The following CTTNBP2 variants were observed in gnomAD, a reference collection of about 807,000 sequenced individuals.
CTTNBP2 encodes the protein cortactin binding protein 2.
Under a neutral mutation model 156.9 loss-of-function variants are expected in CTTNBP2, and 108 were observed. The observed-to-expected ratio is 0.69, with a 90% CI of 0.59 to 0.81. The LOEUF (loss-of-function observed/expected upper bound fraction) is 0.81, where lower values mean the gene tolerates loss of function less well. Among genes scored for constraint, CTTNBP2 ranks in the 30% least tolerant of loss-of-function variants. CTTNBP2 has a pLI of 0.00. For synonymous variants in CTTNBP2, 767 were observed against 751.8 expected, an observed-to-expected ratio of 1.02 and a Z score of -0.33; for missense variants, 1,924 against 2,035.4, an observed-to-expected ratio of 0.95 and a Z score of 1.05.
At chr7:117,840,432 G>A (rs1191600390) in intron 2 of CTTNBP2, among the ~76,000 whole-genome samples, 1 of 152,098 alleles carries the variant, frequency 6.6e-6, no homozygotes, top group Non-Finnish European at 1.5e-5. Context: ...AGGCCACCTG[G>A]GGAGGATCAT....
intron 11 of CTTNBP2, among the ~76,000 whole-genome samples, chr7:117,756,988 A>C (rs1751682610): frequency 6.6e-6 from 1 of 152,146 alleles, no homozygotes; most frequent in South Asian, 2.1e-4. Flanking sequence ...TACAGTTCAT[A>C]AGTAAAAGTT....
At chr7:117,786,339 A>G (rs975107550) in intron 4 of CTTNBP2, 15 of 391,308 alleles carry the variant, frequency 3.8e-5, no homozygotes, top group Non-Finnish European at 7.7e-5. Flanking sequence ...TCCTACTGAT[A>G]CTCATTAGCT....
At chr7:117,783,202 T>C (rs897678127) in intron 5 of CTTNBP2, among the ~76,000 whole-genome samples, 3 of 152,138 alleles carry the variant, frequency 2.0e-5, no homozygotes, top group Admixed American at 6.5e-5. Context: ...TGCATGCGCA[T>C]GTGCCCATGC....
chr7:117,761,317 C>A (rs1270985679), intron 9 of CTTNBP2, among the ~76,000 whole-genome samples: 2 of 152,086 alleles, frequency 1.3e-5, no homozygotes, highest in Non-Finnish European at 2.9e-5. Flanking sequence ...TGGTAAATAC[C>A]AGTAAGTATT....
intron 2 of CTTNBP2, among the ~76,000 whole-genome samples, chr7:117,860,206 A>G (rs1168584725): frequency 6.6e-6 from 1 of 152,232 alleles, no homozygotes; most frequent in Non-Finnish European, 1.5e-5. Flanking sequence ...AATTACAGAC[A>G]AAGTATTAAA....
At chr7:117,873,290 C>T in intron 1 of CTTNBP2, 45 bp downstream of exon 1, 1 of 1,321,068 alleles carries the variant, frequency 7.6e-7, no homozygotes, top group Non-Finnish European at 9.7e-7. Context: ...CCGCCCCCGG[C>T]CCGCGTCTAC....
intron 12 of CTTNBP2, among the ~76,000 whole-genome samples, chr7:117,747,148 A>G (rs1307792861): frequency 1.3e-5 from 2 of 152,210 alleles, no homozygotes; most frequent in African/African-American, 4.8e-5. Context: ...CCTAACTGAT[A>G]CAGTTGATAT....
At chr7:117,797,506 C>G (rs1244988251) in intron 3 of CTTNBP2, among the ~76,000 whole-genome samples, 1 of 152,036 alleles carries the variant, frequency 6.6e-6, no homozygotes, top group African/African-American at 2.4e-5. Flanking sequence ...ATGATCCACG[C>G]TGGAATTAGT....
At chr7:117,781,177 C>T (rs192876438) in intron 6 of CTTNBP2, among the ~76,000 whole-genome samples, 1 of 152,314 alleles carries the variant, frequency 6.6e-6, no homozygotes, top group East Asian at 1.9e-4. Context: ...ACTCACTGTC[C>T]TGAGAATCAA....
chr7:117,814,657 A>G (rs1800475853), intron 2 of CTTNBP2, among the ~76,000 whole-genome samples: 1 of 152,166 alleles, frequency 6.6e-6, no homozygotes, highest in African/African-American at 2.4e-5. Flanking sequence ...TGAACTCCTA[A>G]GCTCAAGCAA....
chr7:117,782,333 T>C (rs867101910), intron 6 of CTTNBP2, among the ~76,000 whole-genome samples: 4 of 152,196 alleles, frequency 2.6e-5, no homozygotes, highest in African/African-American at 9.6e-5. Context: ...ATATTTTAAT[T>C]AATAGGGTCT....
chr7:117,795,258 C>G (rs1403212594), intron 3 of CTTNBP2, among the ~76,000 whole-genome samples: 1 of 152,110 alleles, frequency 6.6e-6, no homozygotes, highest in Non-Finnish European at 1.5e-5. Flanking sequence ...ATATTATTAA[C>G]TAAAACACAT....
chr7:117,802,586 C>T (rs35997432), intron 3 of CTTNBP2, among the ~76,000 whole-genome samples: 3,532 of 151,856 alleles, frequency 0.023, 62 homozygotes, highest in African/African-American at 0.034. Context: ...CAAAGAAACA[C>T]TCAATGAGTA....
intron 4 of CTTNBP2, among the ~76,000 whole-genome samples, chr7:117,790,079 C>T (rs1163133431): frequency 1.3e-5 from 2 of 152,182 alleles, no homozygotes; most frequent in African/African-American, 4.8e-5. Flanking sequence ...TTCAAACCTT[C>T]CTGTAATTAT....
intron 4 of CTTNBP2, among the ~76,000 whole-genome samples, chr7:117,785,979 T>C (rs1234745948): frequency 6.6e-6 from 1 of 152,212 alleles, no homozygotes; most frequent in Non-Finnish European, 1.5e-5. Flanking sequence ...TCTCTGTACA[T>C]TGGTATCAGC....
At chr7:117,729,642 C>A (rs936721447) in intron 16 of CTTNBP2, among the ~76,000 whole-genome samples, 1 of 152,064 alleles carries the variant, frequency 6.6e-6, no homozygotes, top group African/African-American at 2.4e-5. Context: ...GTGGAGAAAG[C>A]CACCCACCAG....
At chr7:117,717,992 C>T in intron 22 of CTTNBP2, 26 bp downstream of exon 22, 1 of 1,355,790 alleles carries the variant, frequency 7.4e-7, no homozygotes, top group Non-Finnish European at 1.1e-6. Context: ...ATCCTTTGTT[C>T]ACTTTGGGGA....
At chr7:117,770,116 G>A (rs1797723979) in intron 8 of CTTNBP2, among the ~76,000 whole-genome samples, 1 of 152,154 alleles carries the variant, frequency 6.6e-6, no homozygotes, top group Non-Finnish European at 1.5e-5. Flanking sequence ...CAAATATCCA[G>A]TTAACTGGTG....
intron 16 of CTTNBP2, among the ~76,000 whole-genome samples, chr7:117,730,836 G>A (rs1795360337): frequency 6.7e-6 from 1 of 149,534 alleles, no homozygotes; most frequent in Non-Finnish European, 1.5e-5. Context: ...GGGGACAGGG[G>A]GTATATTTTT....
Sources: gnomAD v4.1 joint callset for allele counts (sites outside exome capture counted in the v4.1 genomes callset) on GRCh38, gnomAD v4.1.1 for gene constraint, MANE v1.5 for transcripts, NCBI Gene and HGNC (gene_info 2026-07-23, HGNC 2026-07-21) for gene names.